Variants in CSMD1 observed in about 807,000 individuals in gnomAD.
The protein encoded by CSMD1 is CUB and sushi domain-containing protein 1.
A neutral mutation model predicts 417.5 loss-of-function variants in CSMD1; 213 were observed. That is an observed-to-expected ratio of 0.51 (90% CI 0.46 to 0.57). The LOEUF is 0.57. CSMD1 is among the 20% of genes least tolerant of loss of function. The pLI is 0.00. For missense variants in CSMD1, 6,923 were observed against 4,529.7 expected, an observed-to-expected ratio of 1.53 and a Z score of -15.17; for synonymous variants, 2,862 against 1,736.8, an observed-to-expected ratio of 1.65 and a Z score of -16.11.
At chr8:4,152,810 A>ATACATTC (rs1796639602) in intron 3 of CSMD1, among the ~76,000 whole-genome samples, 2 of 152,166 alleles carry the variant, frequency 1.3e-5, no homozygotes, top group Non-Finnish European at 2.9e-5. Context: ...ACACACATAC[A>ATACATTC]CGTATAGTGA....
intron 62 of CSMD1, among the ~76,000 whole-genome samples, chr8:2,960,122 T>C (rs2128924631): frequency 6.6e-6 from 1 of 152,362 alleles, no homozygotes; most frequent in East Asian, 1.9e-4. Context: ...TTTTTCTTAG[T>C]GAATCAGTGA....
At chr8:4,304,988 T>C (rs1445097880) in intron 3 of CSMD1, among the ~76,000 whole-genome samples, 1 of 152,200 alleles carries the variant, frequency 6.6e-6, no homozygotes, top group Non-Finnish European at 1.5e-5. Flanking sequence ...GTAATGCCAA[T>C]GCCTGTTCTT....
chr8:4,670,931 C>G (rs1458132806), intron 1 of CSMD1, among the ~76,000 whole-genome samples: 1 of 152,194 alleles, frequency 6.6e-6, no homozygotes, highest in Non-Finnish European at 1.5e-5. Flanking sequence ...ATTAATTGAG[C>G]AGTCATATAA....
intron 5 of CSMD1, among the ~76,000 whole-genome samples, chr8:3,890,278 G>A (rs1232970962): frequency 1.3e-5 from 2 of 152,096 alleles, no homozygotes; most frequent in African/African-American, 2.4e-5. Context: ...ATATTTTGCT[G>A]GGTTTTGATT....
At chr8:3,396,731 G>GA (rs1811725443) in intron 16 of CSMD1, among the ~76,000 whole-genome samples, 2 of 152,068 alleles carry the variant, frequency 1.3e-5, no homozygotes, top group East Asian at 1.9e-4. Context: ...TTCCCAAATA[G>GA]AAAAAACTCA....
chr8:4,237,604 A>C (rs189133107), intron 3 of CSMD1, among the ~76,000 whole-genome samples: 48 of 151,916 alleles, frequency 3.2e-4, no homozygotes, highest in Non-Finnish European at 5.4e-4. Flanking sequence ...GTGTCATCAC[A>C]ACTTACTGCA....
At chr8:3,905,886 C>T (rs778086535) in intron 5 of CSMD1, among the ~76,000 whole-genome samples, 1 of 152,234 alleles carries the variant, frequency 6.6e-6, no homozygotes, top group Non-Finnish European at 1.5e-5. Context: ...TTTCTGATCT[C>T]TTACTATTTA....
chr8:3,897,912 G>C (rs567274303), intron 5 of CSMD1, among the ~76,000 whole-genome samples: 3 of 152,156 alleles, frequency 2.0e-5, no homozygotes, highest in Admixed American at 6.5e-5. Flanking sequence ...CCATGTGGAT[G>C]ATACAGTGTA....
At chr8:3,822,976 A>G (rs993526050) in intron 5 of CSMD1, among the ~76,000 whole-genome samples, 4 of 152,186 alleles carry the variant, frequency 2.6e-5, no homozygotes, top group African/African-American at 9.6e-5. Flanking sequence ...TTTTTAGTAT[A>G]TTGCCCAGGT....
chr8:3,748,311 G>C lies in CSMD1; in HGVS notation c.931+5619C>G, dbSNP rs567194985. 4.6e-5 allele frequency among the ~76,000 whole-genome samples: 7 copies of C among 152,260 alleles called. No individual in the cohort carries two copies. In the South Asian group the frequency reaches 1.5e-3, roughly 32 times the overall value. ...TATTTAAAGGTTATAATATATTTCAGTAATTTATTTTGATTGAAACAATAC... is the reference window on the plus strand; with the variant it reads ...TATTTAAAGGTTATAATATATTTCACTAATTTATTTTGATTGAAACAATAC... On this transcript the variant is annotated intron_variant, in intron 6 of 69. Transcript: ENST00000635120.
At chr8:3,969,856 C>G (rs545265808) in intron 5 of CSMD1, among the ~76,000 whole-genome samples, 54 of 152,310 alleles carry the variant, frequency 3.5e-4, no homozygotes, top group African/African-American at 1.2e-3. Context: ...AAGTGCATTT[C>G]TAGAAAGCTG....
chr8:3,706,727 A>C (rs1563293110), intron 7 of CSMD1, among the ~76,000 whole-genome samples: 1 of 152,294 alleles, frequency 6.6e-6, no homozygotes, highest in East Asian at 1.9e-4. Context: ...TCTACATTGA[A>C]CTTTAGATCA....
intron 9 of CSMD1, among the ~76,000 whole-genome samples, chr8:3,584,532 CCT>C (rs1484963950): frequency 7.6e-6 from 1 of 130,940 alleles, no homozygotes; most frequent in Non-Finnish European, 1.8e-5. Flanking sequence ...GTGATAAGCA[CCT>C]CTGAGTGTGT....
At chr8:4,002,638 T>C (rs1166723319) in intron 4 of CSMD1, among the ~76,000 whole-genome samples, 1 of 152,204 alleles carries the variant, frequency 6.6e-6, no homozygotes, top group Non-Finnish European at 1.5e-5. Context: ...CTCCCACATA[T>C]CGCTAAAGGA....
intron 3 of CSMD1, among the ~76,000 whole-genome samples, chr8:4,240,718 G>C (rs1585080666): frequency 1.3e-5 from 2 of 152,190 alleles, no homozygotes; most frequent in Middle Eastern, 3.4e-3. Context: ...AAATGCAGTT[G>C]ATGCCAATGT....
At chr8:4,239,836 T>G (rs1400100864) in intron 3 of CSMD1, among the ~76,000 whole-genome samples, 2 of 152,340 alleles carry the variant, frequency 1.3e-5, no homozygotes, top group East Asian at 3.9e-4. Flanking sequence ...CCTGAATGTG[T>G]CTACACTATT....
At chr8:4,044,678 C>T (rs1024190103) in intron 3 of CSMD1, among the ~76,000 whole-genome samples, 5 of 81,044 alleles carry the variant, frequency 6.2e-5, no homozygotes, top group African/African-American at 1.9e-4. Flanking sequence ...ACCACCCTGG[C>T]CACCTACAAT....
chr8:3,213,695 A>G (rs1184139509), intron 30 of CSMD1, among the ~76,000 whole-genome samples: 1 of 150,976 alleles, frequency 6.6e-6, no homozygotes, highest in Non-Finnish European at 1.5e-5. Flanking sequence ...GTGTATGTAT[A>G]TATATAAAAA....
intron 7 of CSMD1, among the ~76,000 whole-genome samples, chr8:3,676,733 G>A (rs143306642): frequency 3.0e-4 from 45 of 152,178 alleles, no homozygotes; most frequent in South Asian, 1.5e-3. Context: ...ATTGAAATAC[G>A]TATATAATAA....
Sources: gnomAD v4.1 joint callset for allele counts (sites outside exome capture counted in the v4.1 genomes callset) on GRCh38, gnomAD v4.1.1 for gene constraint, MANE v1.5 for transcripts, NCBI Gene and HGNC (gene_info 2026-07-23, HGNC 2026-07-21) for gene names.